CBL: variants seen among roughly 807,000 people sequenced by gnomAD.
The protein encoded by CBL is E3 ubiquitin-protein ligase CBL.
Under a neutral mutation model 96.9 loss-of-function variants are expected in CBL, and 45 were observed. The ratio of observed to expected loss-of-function variants is 0.46; its 90% CI spans 0.37 to 0.60. The LOEUF (loss-of-function observed/expected upper bound fraction) is 0.60. Among genes scored for constraint, CBL ranks in the 20% least tolerant of loss-of-function variants. The pLI is 0.00. For synonymous variants in CBL, 420 were observed against 426.8 expected (o/e 0.98, Z 0.20); for missense variants, 1,024 against 1,143.5 (o/e 0.90, Z 1.51).
intron 2 of CBL, among the ~76,000 whole-genome samples, chr11:119,253,853 CAAAAACAAAAAT>C (rs1343930519): frequency 1.2e-4 from 18 of 150,728 alleles, no homozygotes; most frequent in Non-Finnish European, 1.9e-4. Context: ...AAAACAAAAA[CAAAAACAAAAAT>C]ATCATCAGCC....
chr11:119,278,725 G>A lies in CBL; in HGVS notation c.1431+12G>A, dbSNP rs372045813. 4 of 1,609,770 alleles carry A rather than the reference G, an allele frequency of 2.5e-6. No homozygotes were observed. The highest frequency in any genetic ancestry group is 1.7e-6 in the Non-Finnish European group (2 of 1,176,296). ...TGGCTGGTGCCAAGGTAAGATGGCA[G>A]TTTAGGAGACTGGCAAAATCCATTG... On this transcript the variant is annotated intron_variant, in intron 9 of 15. Coordinates refer to ENST00000264033, the MANE Select transcript of CBL (RefSeq NM_005188.4).
At chr11:119,221,483 A>G (rs1034226402) in intron 1 of CBL, among the ~76,000 whole-genome samples, 2 of 151,594 alleles carry the variant, frequency 1.3e-5, no homozygotes, top group Admixed American at 6.6e-5. Context: ...AAGCTTCACT[A>G]TAAGCTGGGC....
intron 1 of CBL, among the ~76,000 whole-genome samples, chr11:119,211,745 C>T (rs1346835311): frequency 2.0e-5 from 3 of 151,966 alleles, no homozygotes; most frequent in Non-Finnish European, 1.5e-5. Flanking sequence ...CTCAAGTGAT[C>T]TGCCTGCCTC....
intron 1 of CBL, among the ~76,000 whole-genome samples, chr11:119,207,642 C>T (rs1325096381): frequency 6.6e-6 from 1 of 152,216 alleles, no homozygotes; most frequent in Non-Finnish European, 1.5e-5. Flanking sequence ...AAGTATTTAA[C>T]TGTTTAAGCA....
intron 2 of CBL, among the ~76,000 whole-genome samples, chr11:119,237,515 C>T (rs908597951): frequency 6.7e-4 from 102 of 152,136 alleles, no homozygotes; most frequent in African/African-American, 2.3e-3. Flanking sequence ...AGTTTTACCT[C>T]TTGTATTTAG....
chr11:119,302,651 C>T lies in CBL; in HGVS notation c.*2870C>T, dbSNP rs1200273688. 3 of 231,024 alleles carry T rather than the reference C, an allele frequency of 1.3e-5. No homozygotes were observed. The highest frequency in any genetic ancestry group is 2.2e-5 in the African/African-American group (1 of 45,232). 14.3% of individuals were successfully genotyped at this position (231,024 alleles called of 1,614,324 possible). On this transcript the variant is annotated 3_prime_UTR_variant, in exon 16 of 16. Transcript: ENST00000264033. ...GATTGCTTTCCAAGCTGCCTTGTTGCGGGGTTGCTGCAGAGCAGCAACTGG... is the reference window on the plus strand; with the variant it reads ...GATTGCTTTCCAAGCTGCCTTGTTGTGGGGTTGCTGCAGAGCAGCAACTGG...
At chr11:119,263,320 A>C (rs1366696623) in intron 2 of CBL, among the ~76,000 whole-genome samples, 4 of 152,170 alleles carry the variant, frequency 2.6e-5, no homozygotes, top group Non-Finnish European at 4.4e-5. Flanking sequence ...AAAGATTTTC[A>C]TGTAGGGGGA....
At chr11:119,213,344 G>T (rs1949333436) in intron 1 of CBL, among the ~76,000 whole-genome samples, 1 of 152,138 alleles carries the variant, frequency 6.6e-6, no homozygotes, top group Non-Finnish European at 1.5e-5. Context: ...AAGCATAGTG[G>T]TAGGTATTGT....
chr11:119,287,307 T>C (rs150465195), intron 11 of CBL, among the ~76,000 whole-genome samples: 178 of 152,336 alleles, frequency 1.2e-3, no homozygotes, highest in East Asian at 8.3e-3. Context: ...CCTGGCTGAC[T>C]GTTGCATTTG....
chr11:119,273,525 AT>A (rs1949864144), intron 3 of CBL, among the ~76,000 whole-genome samples: 1 of 152,064 alleles, frequency 6.6e-6, no homozygotes, highest in Non-Finnish European at 1.5e-5. Flanking sequence ...AGTTCAAGTG[AT>A]TTTCCCCCCT....
intron 2 of CBL, among the ~76,000 whole-genome samples, chr11:119,250,946 G>A (rs1352498940): frequency 6.6e-6 from 1 of 152,100 alleles, no homozygotes; most frequent in African/African-American, 2.4e-5. Context: ...GCAAGACTCT[G>A]TCTCAAAAAT....
chr11:119,298,552 G>A lies in CBL; in HGVS notation c.2434+12G>A, dbSNP rs1217504396. ...TGATCCTACAACAAGTGAGTCTCCA[G>A]ACTACTTTGGGTTTGTCCTGAATGG... On this transcript the variant is annotated intron_variant, in intron 15 of 15. Transcript: ENST00000264033. The A allele has an allele frequency of 1.2e-6, 2 of 1,613,564 alleles. No homozygotes were observed. Among genetic ancestry groups the A allele is most frequent in the Admixed American group, 1.7e-5 (1 of 60,028 alleles).
At chr11:119,297,234 C>A in intron 13 of CBL, 150 bp from the exon 14 acceptor site, 3 of 764,544 alleles carry the variant, frequency 3.9e-6, no homozygotes, top group Non-Finnish European at 6.9e-6. Flanking sequence ...AACATGAGAA[C>A]CTCAAAAACA....
At chr11:119,273,841 T>G (rs1949867054) in intron 3 of CBL, 27 bp from the exon 4 acceptor site, 1 of 1,606,894 alleles carries the variant, frequency 6.2e-7, no homozygotes, top group African/African-American at 1.3e-5. Flanking sequence ...TATTTCACTT[T>G]ATGCCTCCTC....
At chr11:119,274,155 A>G (rs1949870083) in intron 4 of CBL, 131 bp downstream of exon 4, 7 of 728,130 alleles carry the variant, frequency 9.6e-6, no homozygotes, top group African/African-American at 3.6e-5. Flanking sequence ...TTTAGGAACT[A>G]TGCCAAAAAA....
At chr11:119,278,414 T>C in intron 8 of CBL, 96 bp from the exon 9 acceptor site, 1 of 1,547,980 alleles carries the variant, frequency 6.5e-7, no homozygotes, top group South Asian at 1.1e-5. Context: ...TTTAAACTTT[T>C]ACTTTTTTTT....
intron 2 of CBL, among the ~76,000 whole-genome samples, chr11:119,270,469 C>T (rs1365067917): frequency 5.3e-5 from 3 of 56,110 alleles, no homozygotes; most frequent in Non-Finnish European, 1.1e-4. Flanking sequence ...TTTTTTGAGA[C>T]GGAGTCTCGC....
intron 2 of CBL, among the ~76,000 whole-genome samples, chr11:119,235,139 A>C (rs1162477523): frequency 1.3e-5 from 2 of 151,802 alleles, no homozygotes; most frequent in Admixed American, 1.3e-4. Flanking sequence ...TTTGAGATGG[A>C]GTCTCACTCT....
intron 2 of CBL, among the ~76,000 whole-genome samples, chr11:119,256,001 C>A (rs1214100227): frequency 2.0e-5 from 3 of 150,990 alleles, no homozygotes; most frequent in Non-Finnish European, 4.4e-5. Flanking sequence ...TTGCACAGTG[C>A]TGGGATTACA....
Sources: allele counts gnomAD v4.1 joint callset (sites outside exome capture counted in the v4.1 genomes callset), GRCh38; gene constraint gnomAD v4.1.1; transcripts MANE v1.5; gene names NCBI Gene and HGNC (gene_info 2026-07-23, HGNC 2026-07-21).